Variants in STK32C observed in about 807,000 individuals in gnomAD.
STK32C encodes the protein serine/threonine-protein kinase 32C.
In STK32C, 31 loss-of-function variants were observed where a neutral mutation model predicts 56.5. That is an observed-to-expected ratio of 0.55 (90% CI 0.41 to 0.74). The LOEUF is 0.74. STK32C is among the 30% of genes least tolerant of loss of function. The pLI is 0.00. For missense variants in STK32C, 544 were observed against 676.9 expected, an observed-to-expected ratio of 0.80 and a Z score of 2.18; for synonymous variants, 309 against 289.4, an observed-to-expected ratio of 1.07 and a Z score of -0.69.
chr10:132,299,730 T>C (rs769191464), intron 1 of STK32C, among the ~76,000 whole-genome samples: 1 of 152,118 alleles, frequency 6.6e-6, no homozygotes, highest in Non-Finnish European at 1.5e-5. Context: ...AAGTCACTAG[T>C]GTAGGGTAGT....
At chr10:132,278,065 T>C (rs927259320) in intron 1 of STK32C, among the ~76,000 whole-genome samples, 1 of 152,118 alleles carries the variant, frequency 6.6e-6, no homozygotes, top group Non-Finnish European at 1.5e-5. Context: ...AGCTTAGGAA[T>C]AGACTCCTTA....
chr10:132,328,267 T>C (rs1198113371), intron 1 of STK32C, among the ~76,000 whole-genome samples: 1 of 151,910 alleles, frequency 6.6e-6, no homozygotes, highest in Non-Finnish European at 1.5e-5. Context: ...GATGGACTCA[T>C]AGGGGGTCGA....
At chr10:132,320,199 T>G, downstream of STK32C, among the ~76,000 whole-genome samples, 1 of 151,166 alleles carries the variant, frequency 6.6e-6, no homozygotes, top group Non-Finnish European at 1.5e-5. Context: ...AGGTAGGGGA[T>G]GGTGGGGGGT....
At chr10:132,267,793 G>A (rs866294929) in intron 1 of STK32C, among the ~76,000 whole-genome samples, 2 of 106,950 alleles carry the variant, frequency 1.9e-5, no homozygotes, top group African/African-American at 3.7e-5. Flanking sequence ...CTCTATGCCT[G>A]TGTGCATGCA....
intron 1 of STK32C, among the ~76,000 whole-genome samples, chr10:132,280,851 ACTGAGGCCTCCATGCCGTGACCACG>A (rs2065174553): frequency 9.0e-6 from 1 of 111,506 alleles, no homozygotes; most frequent in African/African-American, 3.6e-5. Flanking sequence ...CCGTGATCAC[ACTGAGGCCTCCATGCCGTGACCACG>A]CCCCTGCACT....
chr10:132,234,535 C>T (rs2137803712), intron 2 of STK32C, among the ~76,000 whole-genome samples: 1 of 152,368 alleles, frequency 6.6e-6, no homozygotes, highest in African/African-American at 2.4e-5. Context: ...CCTGTTTCCA[C>T]ACAGCTCTGA....
intron 1 of STK32C, among the ~76,000 whole-genome samples, chr10:132,247,883 G>A (rs11146265): frequency 0.17 from 26,482 of 152,116 alleles, 3,052 homozygotes; most frequent in Non-Finnish European, 0.27. Flanking sequence ...AGGGGGTGGG[G>A]CTTCAAGGGG....
chr10:132,248,939 G>A, intron 1 of STK32C: 1 of 456,622 alleles, frequency 2.2e-6, no homozygotes, highest in Admixed American at 2.3e-5. Flanking sequence ...GTCCCTCCCG[G>A]AGAGGAAAAG....
chr10:132,328,142 A>C (rs2066537922), intron 1 of STK32C, among the ~76,000 whole-genome samples: 1 of 152,114 alleles, frequency 6.6e-6, no homozygotes, highest in Non-Finnish European at 1.5e-5. Context: ...AGGAGACCGG[A>C]GTTCTACTAT....
rs77674759 is a variant in STK32C, at chr10:132,326,678, G to A, written c.302-2305C>T. Among the ~76,000 whole-genome samples, 1,518 of 152,284 alleles carry A rather than the reference G, an allele frequency of 1.0e-2. 21 individuals are homozygous for A. The highest frequency in any genetic ancestry group is 0.035 in the African/African-American group (1,436 of 41,542). On this transcript the variant is annotated intron_variant, in intron 1 of 1. Transcript: ENST00000368619. ...AGTCTGTCTAACCCCAAAAGGAGAG[G>A]AGTATCATGAGGCACGCCCAGTTCT...
chr10:132,321,460 G>C (rs2066406316), downstream of STK32C, among the ~76,000 whole-genome samples: 1 of 152,142 alleles, frequency 6.6e-6, no homozygotes, highest in Admixed American at 6.6e-5. Context: ...GATGACCCAA[G>C]GCCAGCTCCC....
At chr10:132,312,201 A>T (rs879766900), upstream of STK32C, among the ~76,000 whole-genome samples, 1 of 152,040 alleles carries the variant, frequency 6.6e-6, no homozygotes, top group Non-Finnish European at 1.5e-5. Flanking sequence ...AGAGACAAGG[A>T]TTTCACACTG....
At chr10:132,219,020 G>A (rs968569839) in intron 10 of STK32C, among the ~76,000 whole-genome samples, 4 of 152,196 alleles carry the variant, frequency 2.6e-5, no homozygotes, top group African/African-American at 7.2e-5. Flanking sequence ...ACGGAAAGTA[G>A]CTTCGTGGCT....
At chr10:132,213,135 CCAGAGCATTCTCCA>C (rs1047241093) in intron 10 of STK32C, among the ~76,000 whole-genome samples, 8 of 152,344 alleles carry the variant, frequency 5.3e-5, no homozygotes, top group African/African-American at 1.7e-4. Context: ...TGAAATACAC[CCAGAGCATTCTCCA>C]CAGCAAATGG....
At chr10:132,280,970 C>T (rs1359576515) in intron 1 of STK32C, among the ~76,000 whole-genome samples, 1 of 143,364 alleles carries the variant, frequency 7.0e-6, no homozygotes, top group African/African-American at 2.6e-5. Context: ...GCTGAGGCCT[C>T]CATTCCATGA....
chr10:132,274,066 C>G (rs372878542), intron 1 of STK32C, among the ~76,000 whole-genome samples: 18 of 152,210 alleles, frequency 1.2e-4, no homozygotes, highest in African/African-American at 4.1e-4. Context: ...CGAGGTGAAG[C>G]AAGCTGAGGT....
intron 1 of STK32C, among the ~76,000 whole-genome samples, chr10:132,265,248 G>T (rs1446607200): frequency 1.3e-5 from 2 of 150,184 alleles, no homozygotes; most frequent in African/African-American, 5.0e-5. Flanking sequence ...GGCTCTGGGG[G>T]TGCCGCAAGG....
chr10:132,263,703 CA>C (rs369596906), intron 1 of STK32C, among the ~76,000 whole-genome samples: 184 of 138,768 alleles, frequency 1.3e-3, no homozygotes, highest in East Asian at 2.3e-3. Context: ...ACAAAAAATA[CA>C]AAAAAAAAAA....
At chr10:132,233,132 G>C (rs143820084) in intron 2 of STK32C, among the ~76,000 whole-genome samples, 2,384 of 152,198 alleles carry the variant, frequency 0.016, 74 homozygotes, top group African/African-American at 0.052. Flanking sequence ...TCCCTCCCAG[G>C]GTTCAGTGCT....
Sources: gnomAD v4.1 joint callset for allele counts (sites outside exome capture counted in the v4.1 genomes callset) on GRCh38, gnomAD v4.1.1 for gene constraint, MANE v1.5 for transcripts, NCBI Gene and HGNC (gene_info 2026-07-23, HGNC 2026-07-21) for gene names.